GPC5: variants seen among roughly 807,000 people sequenced by gnomAD.
The protein encoded by GPC5 is glypican-5.
Under a neutral mutation model 53.9 loss-of-function variants are expected in GPC5, and 47 were observed. The observed-to-expected ratio is 0.87, with a 90% CI of 0.69 to 1.11. The LOEUF is 1.11. GPC5 is among the 50% of genes most tolerant of loss of function. The pLI is 0.00. For missense variants in GPC5, 748 were observed against 713.1 expected, an observed-to-expected ratio of 1.05 and a Z score of -0.56; for synonymous variants, 286 against 263.3, an observed-to-expected ratio of 1.09 and a Z score of -0.84.
At chr13:92,226,615 TTTTTTTTC>T (rs1240489795) in intron 7 of GPC5, among the ~76,000 whole-genome samples, 2 of 151,736 alleles carry the variant, frequency 1.3e-5, no homozygotes, top group African/African-American at 4.8e-5. Flanking sequence ...AGCAGAACTT[TTTTTTTTC>T]TTTTTTTCTT....
At chr13:92,464,250 C>T (rs1172327911) in intron 7 of GPC5, among the ~76,000 whole-genome samples, 1 of 152,172 alleles carries the variant, frequency 6.6e-6, no homozygotes, top group South Asian at 2.1e-4. Flanking sequence ...TTAAGACCCA[C>T]TCCACCATAC....
intron 2 of GPC5, among the ~76,000 whole-genome samples, chr13:91,565,696 T>C (rs2031496427): frequency 6.6e-6 from 1 of 152,254 alleles, no homozygotes; most frequent in Non-Finnish European, 1.5e-5. Flanking sequence ...ATATTATTAA[T>C]GAGCATTATC....
Position 92,354,763 on chromosome 13 carries a change from A to G in GPC5, c.1561+209774A>G, listed in dbSNP as rs180788573. Among the ~76,000 whole-genome samples the G allele has an allele frequency of 2.0e-5, 3 of 152,300 alleles. No individual in the cohort carries two copies. The East Asian group carries it at 5.8e-4, about 29-fold the overall frequency. The stretch of plus-strand genomic sequence containing the variant: ...CTCACAAAAGCCAGCCATGCAAAAA[A>G]TGGGGGAAGAGCATTCCAGGCATAA... On this transcript the variant is annotated intron_variant, in intron 7 of 7. Transcript: ENST00000377067.
intron 7 of GPC5, among the ~76,000 whole-genome samples, chr13:92,181,097 C>T (rs545156281): frequency 1.3e-5 from 2 of 152,224 alleles, no homozygotes; most frequent in East Asian, 3.9e-4. Flanking sequence ...TGAGCTACTA[C>T]TCTTTCCTGA....
chr13:92,853,020 G>A (rs543647752), intron 7 of GPC5, among the ~76,000 whole-genome samples: 1 of 152,184 alleles, frequency 6.6e-6, no homozygotes, highest in East Asian at 1.9e-4. Context: ...CAGAGTTAGA[G>A]TTTCGACCAG....
intron 7 of GPC5, among the ~76,000 whole-genome samples, chr13:92,738,379 G>C (rs1369034922): frequency 3.3e-5 from 5 of 151,918 alleles, no homozygotes; most frequent in African/African-American, 1.2e-4. Context: ...CCTTCCTGTA[G>C]CTATTTCAGA....
intron 2 of GPC5, among the ~76,000 whole-genome samples, chr13:91,675,702 T>G (rs2035366216): frequency 6.6e-6 from 1 of 152,180 alleles, no homozygotes; most frequent in South Asian, 2.1e-4. Flanking sequence ...GATGAATATG[T>G]GTTCCAGATA....
chr13:91,920,926 C>CTTTTTTTTTTTT (rs869309251), intron 6 of GPC5, among the ~76,000 whole-genome samples: 2 of 32,162 alleles, frequency 6.2e-5, no homozygotes, highest in African/African-American at 2.4e-4. Context: ...CTCTCTCTCT[C>CTTTTTTTTTTTT]TTTTTTTTTT....
chr13:92,706,904 G>A (rs1457688967), intron 7 of GPC5, among the ~76,000 whole-genome samples: 1 of 152,118 alleles, frequency 6.6e-6, no homozygotes, highest in Non-Finnish European at 1.5e-5. Context: ...AGGTAATTAG[G>A]ATTAGATGTA....
At chr13:91,554,612 ATTG>A (rs2030838386) in intron 2 of GPC5, among the ~76,000 whole-genome samples, 1 of 152,046 alleles carries the variant, frequency 6.6e-6, no homozygotes, top group Non-Finnish European at 1.5e-5. Context: ...AACAAAAGCT[ATTG>A]TTCTTTCATC....
chr13:92,584,921 A>C (rs537792102), intron 7 of GPC5, among the ~76,000 whole-genome samples: 1 of 152,268 alleles, frequency 6.6e-6, no homozygotes, highest in East Asian at 1.9e-4. Context: ...CTGCAGGTGC[A>C]CAGAAGTCAA....
chr13:92,331,868 A>C (rs903173547), intron 7 of GPC5, among the ~76,000 whole-genome samples: 3 of 152,114 alleles, frequency 2.0e-5, no homozygotes, highest in Admixed American at 1.3e-4. Flanking sequence ...TGATGCACTC[A>C]GTTGGGGGCT....
At chr13:91,432,203 C>CTGG (rs1555306318) in intron 1 of GPC5, among the ~76,000 whole-genome samples, 2 of 136,452 alleles carry the variant, frequency 1.5e-5, no homozygotes, top group African/African-American at 5.5e-5. Context: ...GCTGCTGCTG[C>CTGG]TGTGTGTGTG....
At chr13:91,871,347 T>C (rs1359696381) in intron 5 of GPC5, among the ~76,000 whole-genome samples, 1 of 151,906 alleles carries the variant, frequency 6.6e-6, no homozygotes, top group Non-Finnish European at 1.5e-5. Context: ...CACCGGGGTC[T>C]ACTTGAGAGA....
chr13:92,369,867 A>T (rs1469157414), intron 7 of GPC5, among the ~76,000 whole-genome samples: 4 of 152,216 alleles, frequency 2.6e-5, no homozygotes, highest in Non-Finnish European at 5.9e-5. Context: ...TTTACTATCT[A>T]CTTTTAAATG....
intron 7 of GPC5, among the ~76,000 whole-genome samples, chr13:92,664,363 T>C (rs1446936531): frequency 6.6e-6 from 1 of 152,050 alleles, no homozygotes; most frequent in Non-Finnish European, 1.5e-5. Context: ...GATTTTTTTT[T>C]TTTTTTTTTA....
intron 4 of GPC5, among the ~76,000 whole-genome samples, chr13:91,752,715 T>A (rs2037205450): frequency 6.6e-6 from 1 of 152,208 alleles, no homozygotes; most frequent in Admixed American, 6.5e-5. Context: ...ATTATTTCAG[T>A]CACTACCTGT....
intron 6 of GPC5, among the ~76,000 whole-genome samples, chr13:92,046,387 G>A (rs1031694714): frequency 5.9e-5 from 9 of 152,112 alleles, no homozygotes; most frequent in African/African-American, 2.2e-4. Flanking sequence ...TCCTTACACT[G>A]AATGTTTTTC....
chr13:91,671,458 G>A (rs1156248616), intron 2 of GPC5, among the ~76,000 whole-genome samples: 1 of 151,950 alleles, frequency 6.6e-6, no homozygotes, highest in African/African-American at 2.4e-5. Flanking sequence ...TTCCTTATCA[G>A]TTCAAGAATT....
Sources: allele counts gnomAD v4.1 joint callset (sites outside exome capture counted in the v4.1 genomes callset), GRCh38; gene constraint gnomAD v4.1.1; transcripts MANE v1.5; gene names NCBI Gene and HGNC (gene_info 2026-07-23, HGNC 2026-07-21).